Variants in NFIB observed in about 807,000 individuals in gnomAD.
NFIB encodes the protein nuclear factor I B.
Under a neutral mutation model 61.5 loss-of-function variants are expected in NFIB, and 11 were observed. That is an observed-to-expected ratio of 0.18 (90% CI 0.11 to 0.30). The LOEUF (loss-of-function observed/expected upper bound fraction) is 0.30, where lower values mean the gene tolerates loss of function less well. NFIB is among the 10% of genes least tolerant of loss of function. The probability of loss-of-function intolerance (pLI) is 1.00; values close to 1 mark genes in which losing one functional copy is unlikely to be tolerated. For missense variants in NFIB, 471 were observed against 608.9 expected (o/e 0.77, Z 2.38); for synonymous variants, 260 against 216.5 (o/e 1.20, Z -1.76).
intron 2 of NFIB, among the ~76,000 whole-genome samples, chr9:14,190,526 A>G (rs567875570): frequency 6.6e-6 from 1 of 152,310 alleles, no homozygotes; most frequent in African/African-American, 2.4e-5. Context: ...GGTTCAAAGA[A>G]CTTCTGTCCC....
chr9:14,136,239 G>A (rs564797318), intron 6 of NFIB, among the ~76,000 whole-genome samples: 1 of 152,312 alleles, frequency 6.6e-6, no homozygotes, highest in African/African-American at 2.4e-5. Flanking sequence ...GACAGACAAT[G>A]ATAAAGGGTC....
chr9:14,137,613 C>A (rs573087214), intron 6 of NFIB, among the ~76,000 whole-genome samples: 1 of 152,136 alleles, frequency 6.6e-6, no homozygotes, highest in African/African-American at 2.4e-5. Context: ...AGTGATTTGT[C>A]TAAGACCACA....
chr9:14,274,577 T>C (rs1306282330), intron 2 of NFIB, among the ~76,000 whole-genome samples: 1 of 152,188 alleles, frequency 6.6e-6, no homozygotes, highest in South Asian at 2.1e-4. Context: ...CTTCCCCTTT[T>C]AGATTATTTG....
chr9:14,528,934 A>G, the NFIB span, among the ~76,000 whole-genome samples: 1 of 152,168 alleles, frequency 6.6e-6, no homozygotes, highest in African/African-American at 2.4e-5. Flanking sequence ...AAGGTCATCA[A>G]CAGAACTCTA....
In NFIB at chr9:14,146,825, T is replaced by G; in HGVS notation, c.807-18A>C. The G allele has an allele frequency of 1.9e-6, 3 of 1,599,322 alleles. No individual in the cohort carries two copies. Among genetic ancestry groups the G allele is most frequent in the South Asian group, 1.1e-5 (1 of 87,370 alleles). ...GTCTTTTGCTGTTAAAATATGGCAA[T>G]AGTTATATTAATGGGATTTCTGGGA... is the stretch of plus-strand genomic sequence containing the variant. On this transcript the variant is annotated intron_variant, in intron 5 of 10. Transcript: ENST00000380953.
intron 10 of NFIB, among the ~76,000 whole-genome samples, chr9:14,105,286 A>G: frequency 6.6e-6 from 1 of 152,244 alleles, no homozygotes; most frequent in East Asian, 1.9e-4. Context: ...ACAGAAAAAT[A>G]TGCTTAAGTA....
rs77848238 is a variant in NFIB at position 14,260,595 on chromosome 9, T to C, written c.562+46394A>G. Among the ~76,000 whole-genome samples, 3,327 of 152,302 alleles carry C rather than the reference T, an allele frequency of 0.022. 193 individuals carry two copies. The East Asian group carries it at 0.22, about 10-fold the overall frequency. ...TGATTTCCCATGGAAGACAGCCATT[T>C]AGGAAAGTTACCTGCATGCAGATAT... is the stretch of plus-strand genomic sequence containing the variant. On this transcript the variant is annotated intron_variant, in intron 2 of 10. Coordinates refer to ENST00000380953, the MANE Select transcript of NFIB (RefSeq NM_001190737.2).
At chr9:14,374,274 AAAG>A (rs2061391753) in intron 1 of NFIB, among the ~76,000 whole-genome samples, 1 of 152,170 alleles carries the variant, frequency 6.6e-6, no homozygotes, top group Admixed American at 6.5e-5. Flanking sequence ...TTCCCAAAGA[AAAG>A]AAGAGAGAAG....
At chr9:14,481,174 A>T in the NFIB span, among the ~76,000 whole-genome samples, 1 of 85,516 alleles carries the variant, frequency 1.2e-5, no homozygotes, top group African/African-American at 4.5e-5. Flanking sequence ...AGAGTCAAAA[A>T]CTGAGTGTGT....
the NFIB span, among the ~76,000 whole-genome samples, chr9:14,406,956 A>G: frequency 6.6e-6 from 1 of 152,200 alleles, no homozygotes; most frequent in East Asian, 1.9e-4. Flanking sequence ...TTGAGATATC[A>G]TGGTTTATCT....
chr9:14,456,569 C>T, the NFIB span, among the ~76,000 whole-genome samples: 1 of 152,088 alleles, frequency 6.6e-6, no homozygotes, highest in African/African-American at 2.4e-5. Flanking sequence ...TTAATTGGCT[C>T]TTATTCATAT....
chr9:14,471,773 C>T, the NFIB span, among the ~76,000 whole-genome samples: 5 of 152,156 alleles, frequency 3.3e-5, no homozygotes, highest in Non-Finnish European at 5.9e-5. Flanking sequence ...AGCTAATTTG[C>T]GACAATCAGT....
intron 3 of NFIB, among the ~76,000 whole-genome samples, chr9:14,163,242 G>A (rs2044399167): frequency 2.6e-5 from 4 of 151,994 alleles, no homozygotes; most frequent in African/African-American, 7.2e-5. Flanking sequence ...GCAAAAATAA[G>A]AAAATAGGAT....
chr9:14,439,047 C>G, the NFIB span, among the ~76,000 whole-genome samples: 110 of 152,280 alleles, frequency 7.2e-4, no homozygotes, highest in Non-Finnish European at 1.2e-3. Context: ...CAACAGGGTT[C>G]TAACCAATCC....
intron 2 of NFIB, among the ~76,000 whole-genome samples, chr9:14,216,588 G>A (rs1037482486): frequency 4.2e-4 from 61 of 145,692 alleles, no homozygotes; most frequent in Non-Finnish European, 7.2e-4. Context: ...GTGTGTGTGT[G>A]TGTAGCATTG....
At chr9:14,375,725 C>T (rs547517209) in intron 1 of NFIB, among the ~76,000 whole-genome samples, 15 of 152,032 alleles carry the variant, frequency 9.9e-5, no homozygotes, top group African/African-American at 2.2e-4. Context: ...CTTTGACACA[C>T]GGCCACACTT....
At chr9:14,096,492 G>A (rs1351357200) in intron 10 of NFIB, 1 of 152,094 alleles carries the variant, frequency 6.6e-6, no homozygotes, top group South Asian at 2.1e-4. Context: ...CTTGTCTCAG[G>A]ATCATCTCAT....
the NFIB span, among the ~76,000 whole-genome samples, chr9:14,479,919 C>T: frequency 5.1e-4 from 78 of 151,896 alleles, no homozygotes; most frequent in African/African-American, 1.8e-3. Flanking sequence ...GTTGCACAAC[C>T]TTGTGAATAT....
intron 2 of NFIB, among the ~76,000 whole-genome samples, chr9:14,279,774 T>C (rs960109799): frequency 2.6e-5 from 4 of 152,160 alleles, no homozygotes; most frequent in Non-Finnish European, 4.4e-5. Flanking sequence ...CAGACCTCAA[T>C]AGAAGGTACA....
Sources: allele counts gnomAD v4.1 joint callset (sites outside exome capture counted in the v4.1 genomes callset), GRCh38; gene constraint gnomAD v4.1.1; transcripts MANE v1.5; gene names NCBI Gene and HGNC (gene_info 2026-07-23, HGNC 2026-07-21).